ARHGEF33: variants seen among roughly 807,000 people sequenced by gnomAD.
ARHGEF33 encodes Rho guanine nucleotide exchange factor 33.
ARHGEF33 carries 72 observed loss-of-function variants against 101.9 expected under a neutral mutation model. That is an observed-to-expected ratio of 0.71 (90% CI 0.58 to 0.86). The LOEUF is 0.86. Among genes scored for constraint, ARHGEF33 ranks in the 40% least tolerant of loss-of-function variants. ARHGEF33 has a pLI of 0.00. For synonymous variants in ARHGEF33, 499 were observed against 442.5 expected, an observed-to-expected ratio of 1.13 and a Z score of -1.60; for missense variants, 1,169 against 1,111.3, an observed-to-expected ratio of 1.05 and a Z score of -0.74.
chr2:38,948,008 AC>A (rs1558438781), intron 10 of ARHGEF33, among the ~76,000 whole-genome samples: 1 of 152,154 alleles, frequency 6.6e-6, no homozygotes, highest in Admixed American at 6.5e-5. Context: ...TTGATTAAGT[AC>A]TATATTGTTA....
intron 7 of ARHGEF33, among the ~76,000 whole-genome samples, chr2:38,931,783 G>T (rs941989079): frequency 4.6e-5 from 7 of 152,020 alleles, no homozygotes; most frequent in Non-Finnish European, 8.8e-5. Context: ...CTCAGGAAAA[G>T]TAAAAACAAA....
chr2:38,902,657 A>G (rs901478170), intron 2 of ARHGEF33, among the ~76,000 whole-genome samples: 5 of 152,040 alleles, frequency 3.3e-5, no homozygotes, highest in African/African-American at 9.7e-5. Context: ...GAACTATGAG[A>G]TTGGTTTATT....
intron 12 of ARHGEF33, 78 bp downstream of exon 12, chr2:38,953,323 CA>C: frequency 1.2e-6 from 1 of 844,812 alleles, no homozygotes; most frequent in Non-Finnish European, 2.0e-6. Flanking sequence ...CCAGTCAATA[CA>C]GCGCATGCAC....
chr2:38,907,191 C>T (rs1019753623), intron 2 of ARHGEF33, among the ~76,000 whole-genome samples: 39 of 152,150 alleles, frequency 2.6e-4, no homozygotes, highest in Admixed American at 2.4e-3. Context: ...CAGGGACCAT[C>T]GCTGACCCCT....
chr2:38,960,004 G>A lies in ARHGEF33; in HGVS notation c.1699G>A (p.Ala567Thr). 1 of 1,549,630 alleles carries A rather than the reference G, an allele frequency of 6.5e-7. No individual in the cohort carries two copies. Among genetic ancestry groups the A allele is most frequent in the Non-Finnish European group, 8.7e-7 (1 of 1,146,130 alleles). ...QFCAAEQDVK[A>T]LAGPLQAIPE... ...CTGCGCGGCCGAGCAGGACGTGAAGGCGCTGGCCGGGCCCCTGCAGGCCAT... is the reference window on the plus strand; with the variant it reads ...CTGCGCGGCCGAGCAGGACGTGAAGACGCTGGCCGGGCCCCTGCAGGCCAT... Residue 567 changes from alanine (A) to threonine (T), a missense_variant, in exon 16 of 18, where the codon GCG (alanine) becomes ACG (threonine). Transcript: ENST00000409978.
chr2:38,930,482 G>A (rs1307997569), intron 6 of ARHGEF33, among the ~76,000 whole-genome samples: 2 of 151,334 alleles, frequency 1.3e-5, no homozygotes, highest in African/African-American at 4.9e-5. Context: ...TGAGTAGCTG[G>A]GACTATAGGT....
At chr2:38,971,688 T>C (rs1668170015) in intron 17 of ARHGEF33, among the ~76,000 whole-genome samples, 1 of 152,234 alleles carries the variant, frequency 6.6e-6, no homozygotes, top group African/African-American at 2.4e-5. Context: ...TATAGTAGAA[T>C]GCTGGATTTT....
chr2:38,920,324 G>A (rs1039827339), intron 3 of ARHGEF33, among the ~76,000 whole-genome samples: 1 of 151,356 alleles, frequency 6.6e-6, no homozygotes. Flanking sequence ...CCAATGTGGT[G>A]CTGAAAAGTA....
intron 4 of ARHGEF33, among the ~76,000 whole-genome samples, chr2:38,928,291 T>A: frequency 6.6e-6 from 1 of 152,158 alleles, no homozygotes; most frequent in Non-Finnish European, 1.5e-5. Context: ...TCTGAGCTCC[T>A]ACCATACCCT....
chr2:38,930,257 G>T (rs1371245561), intron 6 of ARHGEF33, among the ~76,000 whole-genome samples: 1 of 152,012 alleles, frequency 6.6e-6, no homozygotes. Context: ...GTTAAACGAT[G>T]TCTGGACTAG....
At chr2:38,968,782 T>C (rs552039728) in intron 17 of ARHGEF33, among the ~76,000 whole-genome samples, 203 of 152,340 alleles carry the variant, frequency 1.3e-3, no homozygotes, top group African/African-American at 4.7e-3. Flanking sequence ...TGGCAGGATT[T>C]CCTGGCTTTT....
Position 38,937,328 on chromosome 2 carries a change from C to T in ARHGEF33, c.566-7C>T, listed in dbSNP as rs1182226515. On this transcript the variant is annotated splice_region_variant and splice_polypyrimidine_tract_variant and intron_variant, in intron 8 of 17. Transcript: ENST00000409978. Reference sequence around the variant, plus strand: ...TTGTTTCCCCGCCCCTCCCCCCACCCCACCAGGAGTGAACCCAACAACTCC... The same window carrying T: ...TTGTTTCCCCGCCCCTCCCCCCACCTCACCAGGAGTGAACCCAACAACTCC... 2 of 477,636 alleles carry T rather than the reference C, an allele frequency of 4.2e-6. No individual in the cohort carries two copies. The highest frequency in any genetic ancestry group is 7.3e-6 in the Non-Finnish European group (2 of 275,266). 29.6% of individuals were successfully genotyped at this position (477,636 alleles called of 1,614,324 possible).
chr2:38,953,549 G>C (rs1308945811), intron 12 of ARHGEF33, among the ~76,000 whole-genome samples: 1 of 152,172 alleles, frequency 6.6e-6, no homozygotes, highest in African/African-American at 2.4e-5. Flanking sequence ...GCTGTATGTG[G>C]TGGGTTTTTT....
chr2:38,895,563 C>A (rs949583458), intron 1 of ARHGEF33, among the ~76,000 whole-genome samples: 6 of 152,098 alleles, frequency 3.9e-5, no homozygotes, highest in African/African-American at 1.4e-4. Flanking sequence ...ATTGTACTTG[C>A]TCAATACCAA....
chr2:38,966,951 C>T (rs1390743356), intron 17 of ARHGEF33, among the ~76,000 whole-genome samples: 2 of 152,180 alleles, frequency 1.3e-5, no homozygotes, highest in Non-Finnish European at 2.9e-5. Flanking sequence ...CTACCTCCCT[C>T]TCCCTTAGAG....
At chr2:38,953,978 A>G (rs1233115993) in intron 12 of ARHGEF33, among the ~76,000 whole-genome samples, 1 of 152,190 alleles carries the variant, frequency 6.6e-6, no homozygotes, top group Non-Finnish European at 1.5e-5. Context: ...TCCCTTTTCC[A>G]TTGTCCTGAA....
chr2:38,950,186 A>G (rs996703011), intron 10 of ARHGEF33, among the ~76,000 whole-genome samples: 1 of 151,886 alleles, frequency 6.6e-6, no homozygotes, highest in Non-Finnish European at 1.5e-5. Flanking sequence ...ATACCCTACA[A>G]CTCCCTGAGC....
intron 9 of ARHGEF33, among the ~76,000 whole-genome samples, chr2:38,942,164 C>CTTT (rs35282727): frequency 2.5e-4 from 27 of 107,312 alleles, no homozygotes; most frequent in South Asian, 5.7e-4. Flanking sequence ...TCTCTCCTTT[C>CTTT]TTTTTTTTTT....
chr2:38,950,469 T>A (rs977696962), intron 10 of ARHGEF33, among the ~76,000 whole-genome samples: 2 of 152,052 alleles, frequency 1.3e-5, no homozygotes, highest in African/African-American at 4.8e-5. Context: ...TTATTTATTT[T>A]GAGACAGAGT....
Sources: allele counts gnomAD v4.1 joint callset (sites outside exome capture counted in the v4.1 genomes callset), GRCh38; gene constraint gnomAD v4.1.1; transcripts MANE v1.5; gene names NCBI Gene and HGNC (gene_info 2026-07-23, HGNC 2026-07-21).